The following GLI3 variants were observed in gnomAD, a reference collection of about 807,000 sequenced individuals.
GLI3 encodes the protein GLI family zinc finger 3, also known as transcription activator GLI3.
In GLI3, 20 loss-of-function variants were observed where a neutral mutation model predicts 100.8. The ratio of observed to expected loss-of-function variants is 0.20; its 90% CI spans 0.14 to 0.29. GLI3 has a LOEUF of 0.29. Among genes scored for constraint, GLI3 ranks in the 10% least tolerant of loss-of-function variants. The probability of loss-of-function intolerance (pLI) is 1.00; values close to 1 mark genes in which losing one functional copy is unlikely to be tolerated. For synonymous variants in GLI3, 938 were observed against 860.5 expected (o/e 1.09, Z -1.58); for missense variants, 2,040 against 2,128.5 (o/e 0.96, Z 0.82).
rs150485346 is a variant in GLI3 at position 41,980,647 on chromosome 7, G to A, written c.1498-1899C>T. Among the ~76,000 whole-genome samples, 49 of 152,250 alleles carry A rather than the reference G, an allele frequency of 3.2e-4. 1 individual carries two copies. Among genetic ancestry groups the A allele is most frequent in the African/African-American group, 1.0e-3 (43 of 41,540 alleles). The stretch of plus-strand genomic sequence containing the variant: ...AGGAAGGCAAGCAGAGAGTGAGGGA[G>A]ACAGAAGGAAAGGGAAGAATAAGGA... On this transcript the variant is annotated intron_variant, in intron 10 of 14. Coordinates refer to ENST00000395925, the MANE Select transcript of GLI3 (RefSeq NM_000168.6).
At chr7:42,237,976 T>TCCGCCGCCTCCGCCGCCGCCGCCG (rs1788858627), upstream of GLI3, 1 of 145,338 alleles carries the variant, frequency 6.9e-6, no homozygotes, top group African/African-American at 2.9e-5. Context: ...CTCCCCGCCC[T>TCCGCCGCCTCCGCCGCCGCCGCCG]CCGCCGCCGC....
chr7:42,209,971 T>C (rs1788230771), intron 2 of GLI3, among the ~76,000 whole-genome samples: 2 of 111,784 alleles, frequency 1.8e-5, no homozygotes. Context: ...GGGTCATACA[T>C]CTCTTTAAGA....
intron 3 of GLI3, among the ~76,000 whole-genome samples, chr7:42,083,609 G>T (rs1042135084): frequency 3.3e-5 from 5 of 152,116 alleles, no homozygotes; most frequent in African/African-American, 1.2e-4. Flanking sequence ...ATGGAAAAAG[G>T]TTGACAAACC....
chr7:41,979,378 T>C (rs750103675), intron 10 of GLI3, among the ~76,000 whole-genome samples: 3 of 152,222 alleles, frequency 2.0e-5, no homozygotes, highest in Non-Finnish European at 4.4e-5. Flanking sequence ...AATAAGTTAG[T>C]CTTTCAGGGC....
At position 41,977,716 on chromosome 7, in the gene GLI3, C is replaced by A; in HGVS notation, c.1654G>T (p.Gly552Cys). 1 of 1,613,950 alleles carries A rather than the reference C, an allele frequency of 6.2e-7. No individual in the cohort carries two copies. The highest frequency in any genetic ancestry group is 1.1e-5 in the South Asian group (1 of 91,070). ...GEKPHKCTFEGCTKAYSRLEN... is the reference protein window; with the variant it reads ...GEKPHKCTFECCTKAYSRLEN... ...AGTCTCGAGTAGGCCTTTGTGCAAC[C>A]TTCAAACTGAGGACAACAGGTAAAT... The change falls in exon 12 of 15, where the codon GGT becomes TGT. Residue 552 changes from glycine to cysteine, a missense_variant. By Grantham distance (159) the Gly-to-Cys change is radical (BLOSUM62 -3). Transcript: ENST00000395925.
intron 2 of GLI3, among the ~76,000 whole-genome samples, chr7:42,211,207 G>A (rs1302847091): frequency 4.0e-5 from 6 of 151,386 alleles, no homozygotes; most frequent in South Asian, 2.1e-4. Context: ...TTTTAATTGC[G>A]GAAAAGAGCC....
Position 42,048,534 on chromosome 7 carries a change from C to T in GLI3, c.636G>A (p.Ser212=), listed in dbSNP as rs369422937. 107 of 1,612,922 alleles carry T rather than the reference C, an allele frequency of 6.6e-5. No homozygotes were observed. The African/African-American group carries it at 6.7e-4, about 10-fold the overall frequency. Reference sequence around the variant, plus strand: ...CACGGGTTGCTGAGATCATGGAGAGCGATGGGCTGCTGTGCAAGGAGCGGA... The same window carrying T: ...CACGGGTTGCTGAGATCATGGAGAGTGATGGGCTGCTGTGCAAGGAGCGGA... ...DYIRSLHSSP[S]LSMISATRGL... is the part of the protein sequence containing the mutation. Residue 212 remains serine, a synonymous_variant, in exon 5 of 15, where the codon TCG becomes TCA. Coordinates refer to ENST00000395925, the MANE Select transcript of GLI3 (RefSeq NM_000168.6).
chr7:42,262,209 T>TTCCTTCCTTCCTTACTTACTTCC (rs1186292634), intron 1 of GLI3, among the ~76,000 whole-genome samples: 14 of 110,900 alleles, frequency 1.3e-4, no homozygotes, highest in Non-Finnish European at 1.1e-4. Flanking sequence ...TCCTTCCTTC[T>TTCCTTCCTTCCTTACTTACTTCC]TTCCTTCCTT....
chr7:42,031,762 T>C (rs572019191), intron 7 of GLI3, among the ~76,000 whole-genome samples: 3 of 152,340 alleles, frequency 2.0e-5, no homozygotes, highest in East Asian at 1.9e-4. Context: ...TTCCACTGGA[T>C]GCAGGGTCTA....
chr7:42,032,095 C>G (rs1410851095), intron 7 of GLI3, among the ~76,000 whole-genome samples: 1 of 152,068 alleles, frequency 6.6e-6, no homozygotes, highest in African/African-American at 2.4e-5. Context: ...AAAACTATAC[C>G]CAATAGGGCT....
intron 7 of GLI3, among the ~76,000 whole-genome samples, chr7:42,033,084 A>G (rs1286650368): frequency 2.6e-5 from 4 of 152,230 alleles, no homozygotes; most frequent in Non-Finnish European, 5.9e-5. Context: ...TCAATGACCC[A>G]GCGCGGTGTG....
chr7:42,203,409 C>T (rs997751810), intron 2 of GLI3, among the ~76,000 whole-genome samples: 1 of 152,176 alleles, frequency 6.6e-6, no homozygotes, highest in African/African-American at 2.4e-5. Context: ...GTGCCCCATC[C>T]TCTGGTTACC....
intron 1 of GLI3, among the ~76,000 whole-genome samples, chr7:42,261,239 G>A (rs1409011727): frequency 1.1e-5 from 1 of 90,246 alleles, no homozygotes; most frequent in African/African-American, 3.3e-5. Context: ...CACACAGAGA[G>A]AGATTATGGG....
chr7:41,965,089 G>A lies in GLI3; in HGVS notation c.3984C>T (p.Leu1328=), dbSNP rs148940743. 5.4e-4 allele frequency: 866 copies of A among 1,613,674 alleles called. 2 individuals carry two copies. The highest frequency in any genetic ancestry group is 6.8e-4 in the Non-Finnish European group (805 of 1,180,020). ...CCCCCGGGTGCTGCATGCTGTCGCC[G>A]AGGAGCTGGTGAGCCAGGTACCCCT... is the stretch of plus-strand genomic sequence containing the variant. ...VGQGYLAHQL[L]GDSMQHPGAG... The change falls in exon 15 of 15, where the codon CTC becomes CTT. Residue 1328 remains leucine (L), a synonymous_variant. Transcript: ENST00000395925.
intron 1 of GLI3, among the ~76,000 whole-genome samples, chr7:42,249,306 C>T (rs1368445917): frequency 2.0e-5 from 3 of 152,126 alleles, no homozygotes; most frequent in Non-Finnish European, 2.9e-5. Context: ...TAATCTCTAC[C>T]GATGGACACT....
chr7:42,082,116 G>T (rs1478809370), intron 3 of GLI3, among the ~76,000 whole-genome samples: 1 of 151,778 alleles, frequency 6.6e-6, no homozygotes, highest in Non-Finnish European at 1.5e-5. Context: ...TCACCATCCA[G>T]CTTCTATAAA....
intron 1 of GLI3, among the ~76,000 whole-genome samples, chr7:42,236,505 G>A (rs567667792): frequency 2.6e-5 from 4 of 152,288 alleles, no homozygotes; most frequent in African/African-American, 9.6e-5. Flanking sequence ...CCCCGCGGCG[G>A]AGGTCCCCGC....
intron 2 of GLI3, among the ~76,000 whole-genome samples, chr7:42,208,030 G>A (rs573490049): frequency 4.1e-4 from 62 of 152,200 alleles, no homozygotes; most frequent in African/African-American, 1.3e-3. Context: ...GTGGTGGCAC[G>A]TGCCTCTAGT....
intron 8 of GLI3, 65 bp downstream of exon 8, chr7:42,026,134 C>A: frequency 9.8e-7 from 1 of 1,019,316 alleles, no homozygotes; most frequent in Non-Finnish European, 1.5e-6. Context: ...TAACAGCTGA[C>A]GTGGTGGCCT....
Sources: gnomAD v4.1 joint callset for allele counts (sites outside exome capture counted in the v4.1 genomes callset) on GRCh38, gnomAD v4.1.1 for gene constraint, MANE v1.5 for transcripts, NCBI Gene and HGNC (gene_info 2026-07-23, HGNC 2026-07-21) for gene names.